Variants in REELD1 observed in about 807,000 individuals in gnomAD.
The protein encoded by REELD1 is reelin domain-containing protein 1.
REELD1 carries 12 observed loss-of-function variants against 6.3 expected under a neutral mutation model. That is an observed-to-expected ratio of 1.89 (90% CI 1.21 to 3.07). The LOEUF (loss-of-function observed/expected upper bound fraction) is 3.07. Ranked by LOEUF, REELD1 falls within the 30% of genes most tolerant of loss-of-function variation. The probability of loss-of-function intolerance (pLI) is 0.00; values close to 1 mark genes in which losing one functional copy is unlikely to be tolerated. For missense variants in REELD1, 163 were observed against 86.8 expected (o/e 1.88, Z -3.49); for synonymous variants, 57 against 33.6 (o/e 1.70, Z -2.42).
In REELD1 at chr4:146,228,951, A is replaced by G. The variant is rs1309806436; in HGVS notation, c.909-74A>G. The G allele has an allele frequency of 4.3e-6, 3 of 700,386 alleles. No homozygotes were observed. In the African/African-American group the frequency reaches 5.2e-5, roughly 12 times the overall value. The allele number at this position is 700,386 out of a possible 1,614,324, so 43.4% of individuals were successfully genotyped here. On this transcript the variant is annotated intron_variant, in intron 6 of 7. Coordinates refer to ENST00000623665, the MANE Select transcript of REELD1 (RefSeq NM_001354631.1). Reference sequence around the variant, plus strand: ...GAATCTGTTGCCATCTGCATACACAACTGTGGTAGGAAACATTGCTTTTTG... The same window carrying G: ...GAATCTGTTGCCATCTGCATACACAGCTGTGGTAGGAAACATTGCTTTTTG...
intron 2 of REELD1, among the ~76,000 whole-genome samples, 182 bp from the exon 3 acceptor site, chr4:146,216,760 T>G (rs1360452262): frequency 6.6e-6 from 1 of 152,248 alleles, no homozygotes; most frequent in Non-Finnish European, 1.5e-5. Context: ...AATGAAACAC[T>G]TCCTATAGCC....
At chr4:146,224,395 T>C (rs1320416534) in intron 4 of REELD1, 50 bp from the exon 5 acceptor site, 1 of 530,622 alleles carries the variant, frequency 1.9e-6, no homozygotes, top group Non-Finnish European at 3.3e-6. Context: ...TGAGTTATTA[T>C]TTAAAGGAAA....
intron 3 of REELD1, among the ~76,000 whole-genome samples, chr4:146,219,023 T>C (rs1336258961): frequency 1.3e-5 from 2 of 152,106 alleles, no homozygotes; most frequent in Non-Finnish European, 2.9e-5. Flanking sequence ...TGGTGGCTTG[T>C]ACCCTGTGTT....
chr4:146,229,559 G>A (rs1167406403), intron 7 of REELD1, among the ~76,000 whole-genome samples: 2 of 152,088 alleles, frequency 1.3e-5, no homozygotes, highest in African/African-American at 4.8e-5. Context: ...CTCTTGCATG[G>A]GTCCTATCAT....
Position 146,224,564 on chromosome 4 carries a change from C to T in REELD1, c.551C>T (p.Pro184Leu), listed in dbSNP as rs1029443736. Residue 184 changes from proline to leucine, a missense_variant, in exon 5 of 8, where the codon CCA becomes CTA. Transcript: ENST00000623665. ...CGCATGGAGCCCAGATTGCTGATGC[C>T]AAACCTTCACCAGAGGCTGGGCGAT... ...DDRMEPRLLMPNLHQRLGDVE... is the reference protein window; with the variant it reads ...DDRMEPRLLMLNLHQRLGDVE... The T allele has an allele frequency of 4.3e-6, 3 of 702,206 alleles. No homozygotes were observed. Among genetic ancestry groups the T allele is most frequent in the Admixed American group, 2.0e-5 (1 of 50,004 alleles). The allele number at this position is 702,206 out of a possible 1,614,324, so 43.5% of individuals were successfully genotyped here.
intron 5 of REELD1, among the ~76,000 whole-genome samples, chr4:146,224,997 T>A (rs925296622): frequency 2.0e-5 from 3 of 152,236 alleles, no homozygotes; most frequent in African/African-American, 7.2e-5. Flanking sequence ...AAAAAAGAAA[T>A]GAGCTTTTCT....
chr4:146,227,416 T>A (rs74483211), intron 5 of REELD1, among the ~76,000 whole-genome samples: 1 of 152,352 alleles, frequency 6.6e-6, no homozygotes, highest in African/African-American at 2.4e-5. Context: ...AATGCCATCA[T>A]GTCATCCTCA....
chr4:146,222,063 T>A (rs1730933519), intron 3 of REELD1, among the ~76,000 whole-genome samples: 1 of 152,202 alleles, frequency 6.6e-6, no homozygotes, highest in African/African-American at 2.4e-5. Flanking sequence ...TATAGCACAC[T>A]TTACTCATCT....
At chr4:146,229,168 G>A (rs922834444) in intron 7 of REELD1, 80 bp downstream of exon 7, 4 of 680,480 alleles carry the variant, frequency 5.9e-6, no homozygotes, top group African/African-American at 5.3e-5. Flanking sequence ...GGAAATCAGA[G>A]CTATTAGACT....
intron 3 of REELD1, among the ~76,000 whole-genome samples, chr4:146,221,940 T>A (rs1232365733): frequency 3.3e-5 from 5 of 152,222 alleles, no homozygotes; most frequent in African/African-American, 1.2e-4. Context: ...TTTTATGAAT[T>A]CACCATGACA....
chr4:146,226,959 G>A (rs1731034089), intron 5 of REELD1, among the ~76,000 whole-genome samples: 1 of 152,178 alleles, frequency 6.6e-6, no homozygotes, highest in Admixed American at 6.5e-5. Flanking sequence ...TTAGTAGAGA[G>A]ACAGGGTTTC....
intron 2 of REELD1, 100 bp from the exon 3 acceptor site, chr4:146,216,842 C>T (rs967729080): frequency 5.0e-6 from 2 of 397,438 alleles, no homozygotes; most frequent in African/African-American, 4.1e-5. Flanking sequence ...ATCTCAGGTA[C>T]AGAGGCAGTG....
chr4:146,229,419 A>G (rs1012455319), intron 7 of REELD1, among the ~76,000 whole-genome samples: 1 of 152,212 alleles, frequency 6.6e-6, no homozygotes, highest in Non-Finnish European at 1.5e-5. Context: ...AGTTAGATCA[A>G]TGGTCAATAT....
Position 146,231,604 on chromosome 4 carries a change from A to C in REELD1, c.*1091A>C, listed in dbSNP as rs1731132139. ...AGAGTCATCATTTTAATGCAGAAAC[A>C]AAAATCACTACAAATTCGGAAAGGA... On this transcript the variant is annotated 3_prime_UTR_variant, in exon 8 of 8. Coordinates refer to ENST00000623665, the MANE Select transcript of REELD1 (RefSeq NM_001354631.1). Among the ~76,000 whole-genome samples the C allele has an allele frequency of 6.6e-6, 1 of 152,224 alleles. No individual in the cohort carries two copies. Among genetic ancestry groups the C allele is most frequent in the Admixed American group, 6.5e-5 (1 of 15,282 alleles).
chr4:146,215,898 A>C (rs927616194), intron 2 of REELD1, among the ~76,000 whole-genome samples: 1 of 151,942 alleles, frequency 6.6e-6, no homozygotes, highest in Non-Finnish European at 1.5e-5. Context: ...CTATAGGCAC[A>C]TGCCACCACA....
Position 146,231,258 on chromosome 4 carries a change from A to G in REELD1, c.*745A>G, listed in dbSNP as rs1731126876. 6.6e-6 allele frequency among the ~76,000 whole-genome samples: 1 copy of G among 152,254 alleles called. No homozygotes were observed. The highest frequency in any genetic ancestry group is 6.5e-5 in the Admixed American group (1 of 15,284). On this transcript the variant is annotated 3_prime_UTR_variant, in exon 8 of 8. Coordinates refer to ENST00000623665, the MANE Select transcript of REELD1 (RefSeq NM_001354631.1). The stretch of plus-strand genomic sequence containing the variant: ...TGGATCTGAGACCTCCCATCCATTT[A>G]CACTTGATGGAAACATTCGTGTATC...
In REELD1 at chr4:146,217,169, C is replaced by T. The variant is rs142781914; in HGVS notation, c.208+9C>T. The T allele has an allele frequency of 6.0e-4, 240 of 399,306 alleles. No individual in the cohort carries two copies. The highest frequency in any genetic ancestry group is 4.3e-3 in the African/African-American group (208 of 48,748). The allele number at this position is 399,306 out of a possible 1,614,324, so 24.7% of individuals were successfully genotyped here. ...AGGTGACAAGATTCCAGGTATGTAC[C>T]AGAGAGGCTTAGAGAGACTCCGAGG... On this transcript the variant is annotated intron_variant, in intron 3 of 7. Transcript: ENST00000623665.
intron 3 of REELD1, among the ~76,000 whole-genome samples, chr4:146,219,183 A>T (rs1009964432): frequency 2.0e-5 from 3 of 152,266 alleles, no homozygotes; most frequent in South Asian, 2.1e-4. Flanking sequence ...CCCCAAACCA[A>T]AAAACCACTA....
At chr4:146,225,836 A>C (rs1418232148) in intron 5 of REELD1, among the ~76,000 whole-genome samples, 1 of 152,136 alleles carries the variant, frequency 6.6e-6, no homozygotes, top group Non-Finnish European at 1.5e-5. Context: ...CAGCCCAAGC[A>C]GTTTACAGGG....
Sources: gnomAD v4.1 joint callset for allele counts (sites outside exome capture counted in the v4.1 genomes callset) on GRCh38, gnomAD v4.1.1 for gene constraint, MANE v1.5 for transcripts, NCBI Gene and HGNC (gene_info 2026-07-23, HGNC 2026-07-21) for gene names.